The following WLS variants were observed in gnomAD, a reference collection of about 807,000 sequenced individuals.
WLS encodes protein wntless homolog.
WLS carries 23 observed loss-of-function variants against 62.8 expected under a neutral mutation model. The ratio of observed to expected loss-of-function variants is 0.37; its 90% CI spans 0.26 to 0.52. The LOEUF (loss-of-function observed/expected upper bound fraction) is 0.52, where lower values mean the gene tolerates loss of function less well. WLS is among the 20% of genes least tolerant of loss of function. The pLI is 0.92. For missense variants in WLS, 615 were observed against 697.3 expected (o/e 0.88, Z 1.33); for synonymous variants, 246 against 244.1 (o/e 1.01, Z -0.07).
At chr1:68,225,645 G>A (rs1650111760) in intron 1 of WLS, among the ~76,000 whole-genome samples, 1 of 152,110 alleles carries the variant, frequency 6.6e-6, no homozygotes, top group Non-Finnish European at 1.5e-5. Context: ...GGAGTCTCTG[G>A]TTTAAAAGGC....
chr1:68,205,319 A>T (rs1165565363), intron 1 of WLS, among the ~76,000 whole-genome samples: 1 of 152,248 alleles, frequency 6.6e-6, no homozygotes, highest in Admixed American at 6.5e-5. Flanking sequence ...AACTTTTCCT[A>T]AACTATAACC....
intron 2 of WLS, chr1:68,162,988 G>C (rs1570926552): frequency 6.3e-7 from 1 of 1,591,032 alleles, no homozygotes; most frequent in South Asian, 1.1e-5. Flanking sequence ...AGCGCCACCA[G>C]GGGGCAGGAG....
chr1:68,102,391 G>A (rs1376899633), intron 11 of WLS, among the ~76,000 whole-genome samples: 2 of 152,132 alleles, frequency 1.3e-5, no homozygotes, highest in South Asian at 2.1e-4. Flanking sequence ...GGGGAGAACC[G>A]TTGAATCGTA....
chr1:68,138,950 C>T (rs751410859), intron 10 of WLS, among the ~76,000 whole-genome samples: 1 of 152,204 alleles, frequency 6.6e-6, no homozygotes, highest in Non-Finnish European at 1.5e-5. Flanking sequence ...AGGTGGATTT[C>T]ATTGCCTGTT....
At chr1:68,192,239 G>T (rs1216001705) in intron 2 of WLS, among the ~76,000 whole-genome samples, 1 of 152,120 alleles carries the variant, frequency 6.6e-6, no homozygotes, top group Non-Finnish European at 1.5e-5. Context: ...TATCAGTCAG[G>T]TATACATAGT....
At chr1:68,212,956 G>A (rs1649575127) in intron 1 of WLS, among the ~76,000 whole-genome samples, 2 of 152,102 alleles carry the variant, frequency 1.3e-5, no homozygotes, top group Admixed American at 6.5e-5. Context: ...ATTTAGCTAA[G>A]CGCTAAGATA....
downstream of WLS, among the ~76,000 whole-genome samples, chr1:68,121,613 T>C (rs534780155): frequency 2.0e-5 from 3 of 152,168 alleles, no homozygotes; most frequent in Non-Finnish European, 4.4e-5. Context: ...AGTCAGATGG[T>C]TCCCGGAGCA....
At chr1:68,158,865 T>C (rs1646935025) in intron 3 of WLS, among the ~76,000 whole-genome samples, 1 of 152,168 alleles carries the variant, frequency 6.6e-6, no homozygotes, top group Non-Finnish European at 1.5e-5. Flanking sequence ...AAAAAATGGC[T>C]AAAGCTGGGG....
At position 68,171,516 on chromosome 1, in the gene WLS, C is replaced by T. The variant is rs1196202369; in HGVS notation, c.380-12269G>A. Among the ~76,000 whole-genome samples, 12 of 152,088 alleles carry T rather than the reference C, an allele frequency of 7.9e-5. No homozygotes were observed. The South Asian group carries it at 2.5e-3, about 32-fold the overall frequency. On this transcript the variant is annotated intron_variant, in intron 2 of 11. Transcript: ENST00000262348. ...AAAAGTGGGTGAAGGATATGAACAG[C>T]CACTTCGCAAAAGAAGATTCTAATG... is the stretch of plus-strand genomic sequence containing the variant.
intron 4 of WLS, among the ~76,000 whole-genome samples, 154 bp from the exon 5 acceptor site, chr1:68,153,807 C>T (rs2288660): frequency 0.041 from 6,182 of 152,268 alleles, 159 homozygotes; most frequent in Middle Eastern, 0.095. Flanking sequence ...TGCCCTCATA[C>T]ACCCTTGGAC....
intron 11 of WLS, 76 bp from the exon 12 acceptor site, chr1:68,126,411 TGCCCTGATGCTA>T (rs1646432328): frequency 2.5e-6 from 4 of 1,571,740 alleles, no homozygotes; most frequent in African/African-American, 1.4e-5. Flanking sequence ...CATGGACAAC[TGCCCTGATGCTA>T]GCCCTCTTTG....
At chr1:68,178,430 G>A (rs1419715184) in intron 2 of WLS, among the ~76,000 whole-genome samples, 3 of 152,206 alleles carry the variant, frequency 2.0e-5, no homozygotes, top group Admixed American at 6.5e-5. Flanking sequence ...GCCAGGAGTG[G>A]TGGCTTACGC....
At chr1:68,163,252 G>T (rs1570927533) in intron 2 of WLS, among the ~76,000 whole-genome samples, 1 of 152,202 alleles carries the variant, frequency 6.6e-6, no homozygotes, top group Non-Finnish European at 1.5e-5. Flanking sequence ...CACACGATGG[G>T]CTGTCCGTCT....
Position 68,232,372 on chromosome 1 carries a change from C to A in WLS, c.-73G>T. 6.5e-7 allele frequency: 1 copy of A among 1,546,062 alleles called. No individual in the cohort carries two copies. The highest frequency in any genetic ancestry group is 2.0e-5 in the Admixed American group (1 of 50,724). ...GTGAGCTTTTTGCTCCCTCCTCTCA[C>A]ACACTCCCTCCTTCCTCGCCTCCTT... On this transcript the variant is annotated 5_prime_UTR_variant, in exon 1 of 12. Coordinates refer to ENST00000262348, the MANE Select transcript of WLS (RefSeq NM_024911.7).
intron 1 of WLS, among the ~76,000 whole-genome samples, chr1:68,200,025 G>A (rs531131135): frequency 1.8e-3 from 267 of 152,204 alleles, no homozygotes; most frequent in African/African-American, 6.1e-3. Flanking sequence ...GGGTACAAGG[G>A]GAAGGAATGC....
At chr1:68,215,956 A>G (rs1426176919) in intron 1 of WLS, among the ~76,000 whole-genome samples, 1 of 152,182 alleles carries the variant, frequency 6.6e-6, no homozygotes, top group Non-Finnish European at 1.5e-5. Flanking sequence ...GGAAAGAGAA[A>G]AACTCTGGAC....
At chr1:68,170,160 C>CTTTTTTTCTTTTTTTTTTTTTTTTTTT (rs1553131191) in intron 2 of WLS, among the ~76,000 whole-genome samples, 4 of 86,752 alleles carry the variant, frequency 4.6e-5, no homozygotes, top group South Asian at 4.2e-4. Context: ...GCTACTATTT[C>CTTTTTTTCTTTTTTTTTTTTTTTTTTT]TTTTTTTTTT....
rs778759123 is a variant in WLS at position 68,098,645 on chromosome 1, G to T, written c.1619C>A (p.Ala540Asp). The stretch of plus-strand genomic sequence containing the variant: ...TGCCTTGTTGACTCAAATACCAGAA[G>T]CTGCGTTGTCATTGATGAAGGAATA... The change falls in exon 12 of 12, where the codon GCT becomes GAT. Residue 540 changes from alanine to aspartate, a missense_variant. Ala to Asp is a moderately radical substitution (Grantham distance 126). Coordinates refer to the WLS transcript ENST00000354777. 6 of 1,613,708 alleles carry T rather than the reference G, an allele frequency of 3.7e-6. No individual in the cohort carries two copies. The East Asian group carries it at 8.9e-5, about 24-fold the overall frequency.
At chr1:68,227,465 C>T (rs1650208097) in intron 1 of WLS, among the ~76,000 whole-genome samples, 1 of 149,172 alleles carries the variant, frequency 6.7e-6, no homozygotes, top group Non-Finnish European at 1.5e-5. Flanking sequence ...GATTACACTG[C>T]AAGAACCAAA....
Sources: gnomAD v4.1 joint callset for allele counts (sites outside exome capture counted in the v4.1 genomes callset) on GRCh38, gnomAD v4.1.1 for gene constraint, MANE v1.5 for transcripts, NCBI Gene and HGNC (gene_info 2026-07-23, HGNC 2026-07-21) for gene names.